Variants in MAN1A1 observed in about 807,000 individuals in gnomAD.
MAN1A1 encodes mannosyl-oligosaccharide 1,2-alpha-mannosidase IA.
Under a neutral mutation model 70.8 loss-of-function variants are expected in MAN1A1, and 29 were observed. That is an observed-to-expected ratio of 0.41 (90% CI 0.31 to 0.56). The LOEUF is 0.56. Ranked by LOEUF, MAN1A1 falls within the 20% of genes least tolerant of loss-of-function variation. MAN1A1 has a pLI of 0.29. For missense variants in MAN1A1, 747 were observed against 841.3 expected, an observed-to-expected ratio of 0.89 and a Z score of 1.39; for synonymous variants, 349 against 330.1, an observed-to-expected ratio of 1.06 and a Z score of -0.62.
At chr6:119,216,375 G>A (rs1239952309) in intron 6 of MAN1A1, among the ~76,000 whole-genome samples, 1 of 152,194 alleles carries the variant, frequency 6.6e-6, no homozygotes, top group Non-Finnish European at 1.5e-5. Flanking sequence ...GACTGACGTG[G>A]AGGAACTGGA....
chr6:119,319,761 T>C (rs1234958884), intron 2 of MAN1A1, among the ~76,000 whole-genome samples: 2 of 152,216 alleles, frequency 1.3e-5, no homozygotes. Context: ...AACTGACAAC[T>C]GTAAAAGCCT....
chr6:119,257,686 T>C (rs1380824921), intron 5 of MAN1A1, among the ~76,000 whole-genome samples: 1 of 152,154 alleles, frequency 6.6e-6, no homozygotes, highest in African/African-American at 2.4e-5. Flanking sequence ...CCTTCTAATA[T>C]GCATTCAATA....
At chr6:119,252,113 G>A (rs1366461277) in intron 5 of MAN1A1, among the ~76,000 whole-genome samples, 17 of 151,998 alleles carry the variant, frequency 1.1e-4, no homozygotes, top group Admixed American at 1.0e-3. Context: ...CGATCTCAAC[G>A]AGGGCATGGA....
intron 6 of MAN1A1, among the ~76,000 whole-genome samples, chr6:119,217,480 C>G (rs1247914727): frequency 6.6e-6 from 1 of 152,144 alleles, no homozygotes; most frequent in African/African-American, 2.4e-5. Flanking sequence ...CAGGGTTTCA[C>G]CATGTTGGCC....
intron 5 of MAN1A1, among the ~76,000 whole-genome samples, chr6:119,280,969 G>A (rs575313056): frequency 1.3e-5 from 2 of 152,340 alleles, no homozygotes; most frequent in South Asian, 4.1e-4. Context: ...ACGGCAGGCC[G>A]CTGCCAAACA....
At chr6:119,207,723 G>A (rs769555268) in intron 6 of MAN1A1, among the ~76,000 whole-genome samples, 6 of 152,168 alleles carry the variant, frequency 3.9e-5, no homozygotes, top group African/African-American at 1.2e-4. Flanking sequence ...TTAATGTTTA[G>A]AATGATGTAT....
At chr6:119,186,125 G>A (rs1773286142) in intron 11 of MAN1A1, among the ~76,000 whole-genome samples, 1 of 152,032 alleles carries the variant, frequency 6.6e-6, no homozygotes, top group African/African-American at 2.4e-5. Context: ...ACTGTAAATT[G>A]TGGCTTCAAA....
intron 6 of MAN1A1, among the ~76,000 whole-genome samples, chr6:119,220,390 C>T (rs1009005339): frequency 8.5e-5 from 13 of 152,122 alleles, no homozygotes; most frequent in African/African-American, 2.7e-4. Flanking sequence ...ATTACTTTCA[C>T]GTAGTATCCT....
rs1336835387 is a variant in MAN1A1 at position 119,204,723 on chromosome 6, T to C, written c.1116+36A>G. 2.5e-6 allele frequency: 4 copies of C among 1,611,644 alleles called. No homozygotes were observed. The Admixed American group carries it at 5.0e-5, about 20-fold the overall frequency. ...GAGACAATACTGTTTCTCATAAGTGTTGCTTTGCAGGCCAAGGCACATTGA... is the reference window on the plus strand; with the variant it reads ...GAGACAATACTGTTTCTCATAAGTGCTGCTTTGCAGGCCAAGGCACATTGA... On this transcript the variant is annotated intron_variant, in intron 7 of 12. Transcript: ENST00000368468.
At chr6:119,278,819 C>G (rs1469197050) in intron 5 of MAN1A1, among the ~76,000 whole-genome samples, 1 of 152,080 alleles carries the variant, frequency 6.6e-6, no homozygotes, top group Admixed American at 6.5e-5. Context: ...CCTCCCTTCT[C>G]TCTCTTGGTC....
In MAN1A1 at chr6:119,348,476, G is replaced by T. The variant is rs147162446; in HGVS notation, c.590C>A (p.Ala197Glu). Residue 197 changes from alanine (A) to glutamate (E), a missense_variant, in exon 2 of 13, where the codon GCA becomes GAA. Coordinates refer to ENST00000368468, the MANE Select transcript of MAN1A1 (RefSeq NM_005907.4). Reference protein sequence around the residue: ...PADAAIREKRAKIKEMMKHAW... With the variant: ...PADAAIREKREKIKEMMKHAW... ...CGGCCCACTCACCTCTTTGATCTTT[G>T]CCCTTTTCTCGCGGATGGCGGCGTC... 1.2e-6 allele frequency: 2 copies of T among 1,604,962 alleles called. No individual in the cohort carries two copies. The highest frequency in any genetic ancestry group is 2.2e-5 in the South Asian group (2 of 89,896).
At chr6:119,277,518 C>G (rs1776099049) in intron 5 of MAN1A1, among the ~76,000 whole-genome samples, 1 of 151,904 alleles carries the variant, frequency 6.6e-6, no homozygotes, top group Admixed American at 6.6e-5. Context: ...TTAGGTAAGA[C>G]TTAATTTATA....
intron 4 of MAN1A1, among the ~76,000 whole-genome samples, chr6:119,291,041 C>T (rs146531173): frequency 2.0e-5 from 3 of 151,768 alleles, no homozygotes; most frequent in African/African-American, 2.4e-5. Context: ...ATAAATGATA[C>T]GGTTTGTCTC....
intron 6 of MAN1A1, among the ~76,000 whole-genome samples, chr6:119,247,647 T>C (rs1313544357): frequency 6.6e-6 from 1 of 152,214 alleles, no homozygotes; most frequent in Non-Finnish European, 1.5e-5. Flanking sequence ...TGTGTGTGTG[T>C]GTGTCTTTTC....
chr6:119,327,697 A>C (rs188638795), intron 2 of MAN1A1, among the ~76,000 whole-genome samples: 1 of 152,312 alleles, frequency 6.6e-6, no homozygotes, highest in Admixed American at 6.5e-5. Flanking sequence ...AGTAAATTTT[A>C]AGTGCTCCCA....
intron 4 of MAN1A1, among the ~76,000 whole-genome samples, chr6:119,298,599 CTTTTTTT>C (rs747748603): frequency 7.2e-6 from 1 of 138,026 alleles, no homozygotes; most frequent in Non-Finnish European, 1.6e-5. Flanking sequence ...ATTAACTTTT[CTTTTTTT>C]TTTTTTTTGA....
chr6:119,292,886 T>C (rs1343490000), intron 4 of MAN1A1, among the ~76,000 whole-genome samples: 2 of 152,104 alleles, frequency 1.3e-5, no homozygotes, highest in Non-Finnish European at 2.9e-5. Context: ...ACAAAATTAC[T>C]GATAAGGAAA....
At chr6:119,229,815 T>C (rs35433313) in intron 6 of MAN1A1, among the ~76,000 whole-genome samples, 59,880 of 152,110 alleles carry the variant, frequency 0.39, 12,443 homozygotes, top group African/African-American at 0.48. Flanking sequence ...AGTTTTTTGG[T>C]AACTGGACTC....
At chr6:119,215,636 T>A (rs190499684) in intron 6 of MAN1A1, among the ~76,000 whole-genome samples, 141 of 152,316 alleles carry the variant, frequency 9.3e-4, no homozygotes, top group African/African-American at 2.6e-3. Flanking sequence ...ACAAAATATA[T>A]CTTATGGTTG....
Sources: gnomAD v4.1 joint callset for allele counts (sites outside exome capture counted in the v4.1 genomes callset) on GRCh38, gnomAD v4.1.1 for gene constraint, MANE v1.5 for transcripts, NCBI Gene and HGNC (gene_info 2026-07-23, HGNC 2026-07-21) for gene names.